SNX19: variants seen among roughly 807,000 people sequenced by gnomAD.
SNX19 encodes the protein sorting nexin-19.
SNX19 carries 60 observed loss-of-function variants against 85.2 expected under a neutral mutation model. The observed-to-expected ratio is 0.70, with a 90% CI of 0.57 to 0.87. The LOEUF is 0.87. SNX19 is among the 40% of genes least tolerant of loss of function. The pLI, the probability that SNX19 is intolerant of heterozygous loss-of-function variation, is 0.00. For synonymous variants in SNX19, 520 were observed against 470.0 expected, an observed-to-expected ratio of 1.11 and a Z score of -1.38; for missense variants, 1,201 against 1,217.8, an observed-to-expected ratio of 0.99 and a Z score of 0.21.
At position 130,915,789 on chromosome 11, in the gene SNX19, G is replaced by C. The variant is rs1013361652; in HGVS notation, c.151C>G (p.Leu51Val). ...ACTAGCAATGCCGACAGAAGGCACA[G>C]CAGCCACACGTTGACCAGAAGGTGT... ...VIHLLVNVWL[L>V]CLLSALLVVL... is the part of the protein sequence containing the mutation. Residue 51 changes from leucine to valine, a missense_variant, in exon 1 of 11, where the codon CTG becomes GTG. By Grantham distance (32) the Leu-to-Val change is conservative. Transcript: ENST00000265909. 3.1e-6 allele frequency: 5 copies of C among 1,614,070 alleles called. No homozygotes were observed. The African/African-American group carries it at 6.7e-5, about 22-fold the overall frequency.
At chr11:130,908,178 C>G (rs994023261) in intron 4 of SNX19, 95 bp from the exon 5 acceptor site, 11 of 1,440,350 alleles carry the variant, frequency 7.6e-6, no homozygotes, top group Non-Finnish European at 1.0e-5. Context: ...TGCAACAGGA[C>G]AAGGAGAGGG....
intron 8 of SNX19, among the ~76,000 whole-genome samples, chr11:130,885,563 T>G (rs994273187): frequency 1.3e-5 from 2 of 152,216 alleles, no homozygotes; most frequent in African/African-American, 2.4e-5. Context: ...GAAAGGGTCT[T>G]GAATCAGTAT....
At chr11:130,899,185 C>G (rs866273513) in intron 8 of SNX19, among the ~76,000 whole-genome samples, 1 of 152,172 alleles carries the variant, frequency 6.6e-6, no homozygotes, top group Admixed American at 6.5e-5. Flanking sequence ...AGTATTTGCA[C>G]TAAGTCAACT....
rs1943069429 is a variant in SNX19, at chr11:130,872,547, G to A, written c.*5875C>T. Among the ~76,000 whole-genome samples the A allele has an allele frequency of 6.6e-6, 1 of 152,030 alleles. No homozygotes were observed. Among genetic ancestry groups the A allele is most frequent in the South Asian group, 2.1e-4 (1 of 4,818 alleles). On this transcript the variant is annotated 3_prime_UTR_variant, in exon 11 of 11. Transcript: ENST00000265909. ...TTAGGATGTGGACATCATGTTTGGG[G>A]CAATGTCTCCCTCACCGCCTCTCTC... is the stretch of plus-strand genomic sequence containing the variant.
intron 7 of SNX19, among the ~76,000 whole-genome samples, chr11:130,905,233 C>G (rs945448536): frequency 6.6e-6 from 1 of 152,016 alleles, no homozygotes; most frequent in African/African-American, 2.4e-5. Flanking sequence ...GCTCTGCCTC[C>G]AATGCATATA....
intron 8 of SNX19, chr11:130,901,693 CA>C (rs1012959164): frequency 6.6e-6 from 1 of 152,120 alleles, no homozygotes; most frequent in Non-Finnish European, 1.5e-5. Context: ...ATATTTTAAA[CA>C]GAGTGGAGCC....
chr11:130,881,025 T>C (rs1344870395), intron 8 of SNX19: 1 of 369,638 alleles, frequency 2.7e-6, no homozygotes, highest in Non-Finnish European at 4.8e-6. Context: ...TCTCACCCCT[T>C]TTGCCATATG....
At chr11:130,910,489 C>A (rs1302703255) in intron 2 of SNX19, 119 bp from the exon 3 acceptor site, 2 of 748,922 alleles carry the variant, frequency 2.7e-6, no homozygotes, top group Admixed American at 3.0e-5. Flanking sequence ...TTAAAAAAAA[C>A]AATTTCAGGA....
chr11:130,910,344 G>T lies in SNX19; in HGVS notation c.1840C>A (p.Pro614Thr). Reference protein sequence around the residue: ...KNVKGPKKLFPDLPLGNMDSD... With the variant: ...KNVKGPKKLFTDLPLGNMDSD... ...TCCATGTTTCCCAATGGAAGATCTG[G>T]AAAGAGCTTTTTAGGACCCTTCACA... Residue 614 changes from proline to threonine, a missense_variant, in exon 3 of 11, where the codon CCA (proline) becomes ACA (threonine). This residue lies in a region of SNX19 where 125 missense variants were observed against 171.6 expected (regional missense o/e 0.73). Transcript: ENST00000265909. 6.2e-7 allele frequency: 1 copy of T among 1,605,964 alleles called. No homozygotes were observed. The highest frequency in any genetic ancestry group is 8.5e-7 in the Non-Finnish European group (1 of 1,178,182).
intron 8 of SNX19, among the ~76,000 whole-genome samples, chr11:130,897,163 T>C (rs3794139): frequency 0.64 from 96,577 of 151,946 alleles, 30,976 homozygotes; most frequent in South Asian, 0.8. Flanking sequence ...GTGTAAGGTC[T>C]AGAGCTTGCC....
At position 130,906,728 on chromosome 11, in the gene SNX19, C is replaced by A. The variant is rs763410828; in HGVS notation, c.2166-7G>T. 1 of 1,596,628 alleles carries A rather than the reference C, an allele frequency of 6.3e-7. No individual in the cohort carries two copies. The highest frequency in any genetic ancestry group is 8.6e-7 in the Non-Finnish European group (1 of 1,164,796). On this transcript the variant is annotated splice_polypyrimidine_tract_variant and splice_region_variant and intron_variant, in intron 5 of 10. Coordinates refer to ENST00000265909, the MANE Select transcript of SNX19 (RefSeq NM_014758.3). ...TGAGAACCTCAGCCTAGACCTGGTA[C>A]AGAAACAAAGAGCAGAAACAGGTTG...
intron 7 of SNX19, 135 bp downstream of exon 7, chr11:130,905,818 A>G: frequency 6.4e-7 from 1 of 1,550,450 alleles, no homozygotes; most frequent in Non-Finnish European, 8.7e-7. Flanking sequence ...CAGCACCTCC[A>G]ACACTGGAGT....
At chr11:130,901,443 T>C (rs760482936) in intron 8 of SNX19, among the ~76,000 whole-genome samples, 2 of 151,922 alleles carry the variant, frequency 1.3e-5, no homozygotes, top group Non-Finnish European at 2.9e-5. Context: ...TGTTTTGCAG[T>C]AGGCCAAGCA....
At chr11:130,890,582 G>A (rs1944423608) in intron 8 of SNX19, among the ~76,000 whole-genome samples, 1 of 152,126 alleles carries the variant, frequency 6.6e-6, no homozygotes, top group African/African-American at 2.4e-5. Flanking sequence ...CATTATTCTT[G>A]CATATCATAT....
Position 130,911,637 on chromosome 11 carries a change from G to C in SNX19, c.1809C>G (p.Ile603Met). Residue 603 changes from isoleucine (I) to methionine (M), a missense_variant, in exon 2 of 11, where the codon ATC (isoleucine) becomes ATG (methionine). Physicochemically the swap from Ile to Met is conservative, Grantham distance 10. Transcript: ENST00000265909. ...LEEKPDLRKF[I>M]KNVKGPKKLF... ...GGGGTTGGGGAAACTCCTGACTTTT[G>C]ATGAACTTTCGTAGATCTGGTTTCT... 3 of 1,614,070 alleles carry C rather than the reference G, an allele frequency of 1.9e-6. No individual in the cohort carries two copies. Among genetic ancestry groups the C allele is most frequent in the Non-Finnish European group, 2.5e-6 (3 of 1,179,994 alleles).
Position 130,914,390 on chromosome 11 carries a change from C to G in SNX19, c.1550G>C (p.Ser517Thr). The change falls in exon 1 of 11, where the codon AGC becomes ACC. Residue 517 changes from serine (S) to threonine (T), a missense_variant. Physicochemically the swap from Ser to Thr is moderately conservative, Grantham distance 58. Coordinates refer to ENST00000265909, the MANE Select transcript of SNX19 (RefSeq NM_014758.3). The part of the protein sequence containing the change: ...PPGPLSSATF[S>T]FEPLSSPDGP... ...ATCGGGACTGCTTAGGGGCTCAAAG[C>G]TGAAGGTGGCTGAGCTGAGAGGACC... 6.2e-7 allele frequency: 1 copy of G among 1,613,878 alleles called. No homozygotes were observed. The highest frequency in any genetic ancestry group is 8.5e-7 in the Non-Finnish European group (1 of 1,179,860).
At chr11:130,884,878 A>G (rs542647357) in intron 8 of SNX19, among the ~76,000 whole-genome samples, 1 of 151,306 alleles carries the variant, frequency 6.6e-6, no homozygotes, top group African/African-American at 2.4e-5. Context: ...TCTCAAAAAA[A>G]AAAAAAAAAA....
chr11:130,911,330 TG>T, intron 2 of SNX19: 1 of 573,558 alleles, frequency 1.7e-6, no homozygotes, highest in Non-Finnish European at 2.3e-6. Flanking sequence ...TCTATGAATC[TG>T]GAAAAGTTAA....
rs1204915049 is a variant in SNX19 at position 130,875,207 on chromosome 11, C to T, written c.*3215G>A. The stretch of plus-strand genomic sequence containing the variant: ...AAGAAAATTCTGTCACATGCTGTAA[C>T]GTGGATGAACCTGGAGGACATTATG... On this transcript the variant is annotated 3_prime_UTR_variant, in exon 11 of 11. Transcript: ENST00000265909. Among the ~76,000 whole-genome samples the T allele has an allele frequency of 6.6e-6, 1 of 152,138 alleles. No homozygotes were observed. The highest frequency in any genetic ancestry group is 2.4e-5 in the African/African-American group (1 of 41,432).
Sources: allele counts gnomAD v4.1 joint callset (sites outside exome capture counted in the v4.1 genomes callset), GRCh38; gene constraint gnomAD v4.1.1; regional missense constraint gnomAD v4.1.1; transcripts MANE v1.5; gene names NCBI Gene and HGNC (gene_info 2026-07-23, HGNC 2026-07-21).